The following LAMA2 variants were observed in gnomAD, a reference collection of about 807,000 sequenced individuals.
LAMA2 encodes laminin subunit alpha 2, also known as laminin subunit alpha-2.
In LAMA2, 269 loss-of-function variants were observed where a neutral mutation model predicts 364.8. That is an observed-to-expected ratio of 0.74 (90% CI 0.67 to 0.82). LAMA2 has a LOEUF of 0.82. Ranked by LOEUF, LAMA2 falls within the 40% of genes least tolerant of loss-of-function variation. The pLI is 0.00. For missense variants in LAMA2, 3,807 were observed against 3,873.2 expected, an observed-to-expected ratio of 0.98 and a Z score of 0.45; for synonymous variants, 1,379 against 1,370.6, an observed-to-expected ratio of 1.01 and a Z score of -0.14.
At chr6:129,217,049 T>C (rs1272323433) in intron 12 of LAMA2, among the ~76,000 whole-genome samples, 1 of 151,628 alleles carries the variant, frequency 6.6e-6, no homozygotes, top group African/African-American at 2.4e-5. Context: ...ATTACCTGGG[T>C]ATGGTGGCGT....
chr6:129,127,772 T>G (rs1321954474), intron 4 of LAMA2, among the ~76,000 whole-genome samples: 1 of 152,200 alleles, frequency 6.6e-6, no homozygotes, highest in Non-Finnish European at 1.5e-5. Context: ...TGATTAGTGA[T>G]TTTTTCATTT....
intron 10 of LAMA2, among the ~76,000 whole-genome samples, chr6:129,180,750 G>C (rs1780877593): frequency 6.6e-6 from 1 of 152,058 alleles, no homozygotes; most frequent in Non-Finnish European, 1.5e-5. Flanking sequence ...AAGAAAGAAA[G>C]GGAAATTCCT....
At chr6:129,098,151 T>G (rs756066851) in intron 3 of LAMA2, 22 bp from the exon 4 acceptor site, 2 of 1,608,928 alleles carry the variant, frequency 1.2e-6, no homozygotes, top group Admixed American at 3.3e-5. Flanking sequence ...TCAATGTTAT[T>G]GTTGTTGTTA....
rs200178875 is a variant in LAMA2, at chr6:129,342,288, A to G, written c.4312-55A>G. On this transcript the variant is annotated intron_variant, in intron 29 of 64. Transcript: ENST00000421865. The stretch of plus-strand genomic sequence containing the variant: ...ATAGCTAGGGACTGTATGATAAATT[A>G]CATTCTAACTATCACTAAATTAAAA... 2.2e-4 allele frequency: 329 copies of G among 1,519,178 alleles called. 1 individual carries two copies. Among genetic ancestry groups the G allele is most frequent in the Non-Finnish European group, 7.0e-5 (77 of 1,098,396 alleles). The allele number at this position is 1,519,178 out of a possible 1,614,324, so 94.1% of individuals were successfully genotyped here.
At chr6:129,381,690 G>A (rs949628358) in intron 34 of LAMA2, among the ~76,000 whole-genome samples, 8 of 152,056 alleles carry the variant, frequency 5.3e-5, no homozygotes, top group African/African-American at 1.9e-4. Flanking sequence ...AAATCCAAAA[G>A]TGAAAATAAT....
intron 18 of LAMA2, among the ~76,000 whole-genome samples, chr6:129,280,479 GC>G (rs1045687083): frequency 2.2e-4 from 34 of 152,018 alleles, no homozygotes; most frequent in African/African-American, 8.2e-4. Flanking sequence ...GTCTGTGTAG[GC>G]ACCATTTATT....
chr6:129,208,069 C>G (rs1390339264), intron 12 of LAMA2, among the ~76,000 whole-genome samples: 1 of 152,152 alleles, frequency 6.6e-6, no homozygotes, highest in Non-Finnish European at 1.5e-5. Flanking sequence ...TTAGATGGAT[C>G]ACAGAGCAGA....
intron 61 of LAMA2, among the ~76,000 whole-genome samples, chr6:129,505,672 C>A (rs1583921965): frequency 6.6e-6 from 1 of 152,096 alleles, no homozygotes; most frequent in African/African-American, 2.4e-5. Flanking sequence ...CCACGCCTGG[C>A]TAATTTTTTG....
chr6:129,007,789 C>T (rs1156742646), intron 1 of LAMA2, among the ~76,000 whole-genome samples: 1 of 152,082 alleles, frequency 6.6e-6, no homozygotes, highest in Non-Finnish European at 1.5e-5. Context: ...TTGAGCATAC[C>T]TAAATTGCCT....
At chr6:129,405,244 T>C (rs1780189314) in intron 40 of LAMA2, among the ~76,000 whole-genome samples, 1 of 152,108 alleles carries the variant, frequency 6.6e-6, no homozygotes. Context: ...AATGAATGAG[T>C]GTATTTTTTC....
chr6:129,372,421 T>C (rs1363745670), intron 34 of LAMA2, among the ~76,000 whole-genome samples: 1 of 152,260 alleles, frequency 6.6e-6, no homozygotes, highest in African/African-American at 2.4e-5. Context: ...CATATTAGCT[T>C]CTTTCCCTTG....
At chr6:129,408,175 C>T (rs1780342392) in intron 40 of LAMA2, among the ~76,000 whole-genome samples, 1 of 152,114 alleles carries the variant, frequency 6.6e-6, no homozygotes, top group African/African-American at 2.4e-5. Context: ...GCTTCCACCC[C>T]TTGATTCTGG....
In LAMA2 at chr6:129,020,622, C is replaced by A. The variant is rs374801453; in HGVS notation, c.113-29296C>A. On this transcript the variant is annotated intron_variant, in intron 1 of 64. Transcript: ENST00000421865. ...TCTAAGGTAGCAATCCTCAGAAGAA[C>A]ACGTGAAAAGGTGTCCCAGGCGTGG... 5.3e-5 allele frequency among the ~76,000 whole-genome samples: 8 copies of A among 152,218 alleles called. No individual in the cohort carries two copies. The South Asian group carries it at 8.3e-4, about 16-fold the overall frequency.
chr6:129,204,236 T>C (rs1266367880), intron 12 of LAMA2, among the ~76,000 whole-genome samples: 1 of 152,202 alleles, frequency 6.6e-6, no homozygotes, highest in Non-Finnish European at 1.5e-5. Flanking sequence ...GACTTTATTT[T>C]GAAGGTGCCA....
intron 1 of LAMA2, among the ~76,000 whole-genome samples, chr6:129,033,701 A>G (rs1786399721): frequency 6.6e-6 from 1 of 152,052 alleles, no homozygotes; most frequent in Non-Finnish European, 1.5e-5. Flanking sequence ...TGCCAAAGAG[A>G]CATCTAGTTT....
intron 62 of LAMA2, 96 bp downstream of exon 62, chr6:129,507,738 A>G: frequency 8.0e-7 from 1 of 1,253,740 alleles, no homozygotes; most frequent in East Asian, 2.3e-5. Flanking sequence ...AGAGTCCTAA[A>G]CTAGTATCCT....
At chr6:129,152,493 A>G (rs1187337166) in intron 7 of LAMA2, among the ~76,000 whole-genome samples, 1 of 152,238 alleles carries the variant, frequency 6.6e-6, no homozygotes, top group Non-Finnish European at 1.5e-5. Context: ...ATATAGATGT[A>G]CAGGCATATT....
intron 10 of LAMA2, among the ~76,000 whole-genome samples, chr6:129,188,505 T>A (rs967672386): frequency 2.0e-5 from 3 of 151,956 alleles, no homozygotes; most frequent in Admixed American, 2.0e-4. Flanking sequence ...CTCAACGGGA[T>A]AAACTAAATC....
chr6:129,457,990 A>G (rs1027866104), intron 48 of LAMA2, among the ~76,000 whole-genome samples: 1 of 152,096 alleles, frequency 6.6e-6, no homozygotes, highest in Non-Finnish European at 1.5e-5. Context: ...TAATACCATC[A>G]CTTTGGCGGG....
Sources: allele counts gnomAD v4.1 joint callset (sites outside exome capture counted in the v4.1 genomes callset), GRCh38; gene constraint gnomAD v4.1.1; transcripts MANE v1.5; gene names NCBI Gene and HGNC (gene_info 2026-07-23, HGNC 2026-07-21).